The following TFCP2 variants were observed in gnomAD, a reference collection of about 807,000 sequenced individuals.
TFCP2 encodes alpha-globin transcription factor CP2.
Under a neutral mutation model 73.4 loss-of-function variants are expected in TFCP2, and 33 were observed. The ratio of observed to expected loss-of-function variants is 0.45; its 90% CI spans 0.34 to 0.60. The LOEUF is 0.60. Among genes scored for constraint, TFCP2 ranks in the 20% least tolerant of loss-of-function variants. TFCP2 has a pLI of 0.01. For missense variants in TFCP2, 352 were observed against 604.0 expected, an observed-to-expected ratio of 0.58 and a Z score of 4.37; for synonymous variants, 193 against 211.6, an observed-to-expected ratio of 0.91 and a Z score of 0.76.
chr12:51,113,532 T>G (rs1441672253), intron 4 of TFCP2, among the ~76,000 whole-genome samples: 13 of 152,156 alleles, frequency 8.5e-5, no homozygotes, highest in Admixed American at 8.5e-4. Context: ...ACTTTCAGCA[T>G]GCTGGGGAAA....
At chr12:51,116,042 A>G (rs1437970323) in intron 4 of TFCP2, among the ~76,000 whole-genome samples, 1 of 152,218 alleles carries the variant, frequency 6.6e-6, no homozygotes, top group African/African-American at 2.4e-5. Context: ...TTAAAATGAT[A>G]ACTTTTATGT....
At chr12:51,161,398 T>G (rs1266810673) in intron 1 of TFCP2, among the ~76,000 whole-genome samples, 1 of 151,046 alleles carries the variant, frequency 6.6e-6, no homozygotes, top group African/African-American at 2.4e-5. Context: ...AAAAAGAAAT[T>G]GGCTGGGCAC....
In TFCP2 at chr12:51,171,336, A is replaced by T. The variant is rs141598672; in HGVS notation, c.122+965T>A. ...AATGAAGCAGCCAATGCATGCAACA[A>T]GTTATATAGGCAATAATGTTGCTTT... On this transcript the variant is annotated intron_variant, in intron 1 of 14. Coordinates refer to ENST00000257915, the MANE Select transcript of TFCP2 (RefSeq NM_005653.5). Among the ~76,000 whole-genome samples, 26 of 152,298 alleles carry T rather than the reference A, an allele frequency of 1.7e-4. No individual in the cohort carries two copies. In the East Asian group the frequency reaches 4.8e-3, roughly 28 times the overall value.
chr12:51,161,621 G>A (rs540039699), intron 1 of TFCP2, among the ~76,000 whole-genome samples: 26 of 151,254 alleles, frequency 1.7e-4, no homozygotes, highest in African/African-American at 4.6e-4. Flanking sequence ...CAGAGGTTGC[G>A]GTGAGCCAAG....
In TFCP2 at chr12:51,113,579, T is replaced by G. The variant is rs148128549; in HGVS notation, c.458-2596A>C. The stretch of plus-strand genomic sequence containing the variant: ...CTCTTTACAAACGCAAAACAAAATA[T>G]CAGATCCTGAGCAGCCAAAACAATC... On this transcript the variant is annotated intron_variant, in intron 4 of 14. Coordinates refer to ENST00000257915, the MANE Select transcript of TFCP2 (RefSeq NM_005653.5). Among the ~76,000 whole-genome samples, 34 of 152,168 alleles carry G rather than the reference T, an allele frequency of 2.2e-4. No individual in the cohort carries two copies. The East Asian group carries it at 5.4e-3, about 24-fold the overall frequency.
chr12:51,152,300 A>G (rs1212835766), intron 1 of TFCP2, among the ~76,000 whole-genome samples: 1 of 152,228 alleles, frequency 6.6e-6, no homozygotes, highest in East Asian at 1.9e-4. Flanking sequence ...GATGCTCTAC[A>G]AAATAACTAC....
chr12:51,137,925 C>T (rs1299265755), intron 1 of TFCP2, among the ~76,000 whole-genome samples: 3 of 152,166 alleles, frequency 2.0e-5, no homozygotes, highest in Non-Finnish European at 2.9e-5. Context: ...CTCATGCTTT[C>T]TTCCCTCTTG....
At chr12:51,095,938 A>T (rs1439052619) in intron 14 of TFCP2, 51 bp downstream of exon 14, 1 of 1,462,684 alleles carries the variant, frequency 6.8e-7, no homozygotes, top group South Asian at 1.2e-5. Flanking sequence ...TTTGCCTAGT[A>T]GTAGTAAAGC....
intron 1 of TFCP2, among the ~76,000 whole-genome samples, chr12:51,137,106 G>A (rs975129333): frequency 2.0e-5 from 3 of 152,102 alleles, no homozygotes; most frequent in Non-Finnish European, 4.4e-5. Flanking sequence ...TTTAAGAAGT[G>A]CTTCTGGACT....
chr12:51,154,255 G>A (rs1393304179), intron 1 of TFCP2, among the ~76,000 whole-genome samples: 2 of 152,328 alleles, frequency 1.3e-5, no homozygotes, highest in African/African-American at 4.8e-5. Flanking sequence ...TCCCATGGAT[G>A]TGTGAAACCA....
chr12:51,157,942 T>C (rs544259902), intron 1 of TFCP2, among the ~76,000 whole-genome samples: 15 of 152,146 alleles, frequency 9.9e-5, no homozygotes, highest in Non-Finnish European at 2.1e-4. Context: ...ACTCCCAAAG[T>C]GCTGGGATTA....
At chr12:51,153,219 T>G (rs1033071849) in intron 1 of TFCP2, among the ~76,000 whole-genome samples, 1 of 152,000 alleles carries the variant, frequency 6.6e-6, no homozygotes, top group African/African-American at 2.4e-5. Flanking sequence ...TCTAAAATTT[T>G]TAAAAAATTA....
At chr12:51,104,790 C>T (rs1271770781) in intron 8 of TFCP2, among the ~76,000 whole-genome samples, 6 of 151,396 alleles carry the variant, frequency 4.0e-5, no homozygotes, top group African/African-American at 1.5e-4. Flanking sequence ...CGGCTCACTG[C>T]AACCTCTGCC....
chr12:51,160,724 T>C (rs529297082), intron 1 of TFCP2, among the ~76,000 whole-genome samples: 3 of 152,294 alleles, frequency 2.0e-5, no homozygotes, highest in African/African-American at 7.2e-5. Flanking sequence ...TTTAGGACTC[T>C]GGGGTCTAAT....
chr12:51,106,660 C>G, intron 7 of TFCP2, 47 bp from the exon 8 acceptor site: 1 of 1,444,046 alleles, frequency 6.9e-7, no homozygotes, highest in Non-Finnish European at 9.7e-7. Context: ...CATATGACCC[C>G]AGGATTTGAC....
chr12:51,139,454 C>G (rs1019136518), intron 1 of TFCP2, among the ~76,000 whole-genome samples: 1 of 152,058 alleles, frequency 6.6e-6, no homozygotes, highest in African/African-American at 2.4e-5. Context: ...CACTGCAAGT[C>G]TCAAACTCCT....
intron 8 of TFCP2, 83 bp from the exon 9 acceptor site, chr12:51,104,286 C>T (rs12301482): frequency 3.3e-6 from 4 of 1,224,480 alleles, no homozygotes; most frequent in Admixed American, 4.4e-5. Context: ...CACAATAAAT[C>T]TCATGCTAGA....
At chr12:51,126,817 T>A (rs1032366236) in intron 1 of TFCP2, among the ~76,000 whole-genome samples, 8 of 152,192 alleles carry the variant, frequency 5.3e-5, no homozygotes, top group Non-Finnish European at 1.2e-4. Flanking sequence ...TACACTCTAC[T>A]CTGAGGCCAG....
intron 1 of TFCP2, among the ~76,000 whole-genome samples, chr12:51,139,397 G>A (rs1009048790): frequency 5.9e-5 from 9 of 151,976 alleles, no homozygotes; most frequent in African/African-American, 1.5e-4. Context: ...GTGAGACGGC[G>A]TCTTGCTCTG....
Sources: allele counts gnomAD v4.1 joint callset (sites outside exome capture counted in the v4.1 genomes callset), GRCh38; gene constraint gnomAD v4.1.1; transcripts MANE v1.5; gene names NCBI Gene and HGNC (gene_info 2026-07-23, HGNC 2026-07-21).